Variants in SCP2 observed in about 807,000 individuals in gnomAD.
SCP2 encodes the protein SCP-2/3-oxoacyl-CoA thiolase.
In SCP2, 48 loss-of-function variants were observed where a neutral mutation model predicts 71.4. The ratio of observed to expected loss-of-function variants is 0.67; its 90% CI spans 0.53 to 0.86. The LOEUF (loss-of-function observed/expected upper bound fraction) is 0.86, where lower values mean the gene tolerates loss of function less well. SCP2 is among the 40% of genes least tolerant of loss of function. SCP2 has a pLI of 0.00. For missense variants in SCP2, 560 were observed against 655.6 expected (o/e 0.85, Z 1.59); for synonymous variants, 220 against 218.1 (o/e 1.01, Z -0.08).
rs554124967 is a variant in SCP2, at chr1:52,966,592, T to C, written c.523+4963T>C. On this transcript the variant is annotated intron_variant, in intron 6 of 15. Coordinates refer to ENST00000371514, the MANE Select transcript of SCP2 (RefSeq NM_002979.5). ...TCAAGTTTGGGTGTTAATTTTATAC[T>C]AAAGAAATAGGGGCCAGTTGTGGTG... Among the ~76,000 whole-genome samples, 3 of 151,992 alleles carry C rather than the reference T, an allele frequency of 2.0e-5. No individual in the cohort carries two copies. The South Asian group carries it at 6.2e-4, about 32-fold the overall frequency.
chr1:52,982,690 C>A (rs1046886905), intron 10 of SCP2, among the ~76,000 whole-genome samples: 1 of 152,160 alleles, frequency 6.6e-6, no homozygotes, highest in African/African-American at 2.4e-5. Context: ...AATGTAGAAG[C>A]CTTGCAACCA....
At chr1:52,981,273 CT>C (rs1006128293) in intron 10 of SCP2, among the ~76,000 whole-genome samples, 4 of 152,154 alleles carry the variant, frequency 2.6e-5, no homozygotes, top group Non-Finnish European at 5.9e-5. Flanking sequence ...TGATTTCTGC[CT>C]TTTAACTGGA....
At chr1:52,979,681 C>T (rs1658305701) in intron 9 of SCP2, among the ~76,000 whole-genome samples, 1 of 152,076 alleles carries the variant, frequency 6.6e-6, no homozygotes. Flanking sequence ...ATGTCTTCAA[C>T]TTGTTTATCA....
intron 6 of SCP2, among the ~76,000 whole-genome samples, chr1:52,963,075 C>T (rs1656622746): frequency 6.6e-6 from 1 of 151,240 alleles, no homozygotes. Flanking sequence ...GTGCCTGGCA[C>T]AAATCAGTGT....
chr1:53,010,084 T>G (rs1391786908), intron 11 of SCP2, among the ~76,000 whole-genome samples: 1 of 152,100 alleles, frequency 6.6e-6, no homozygotes, highest in Non-Finnish European at 1.5e-5. Flanking sequence ...TGAGATACCA[T>G]CTCACACCAG....
intron 11 of SCP2, chr1:52,995,350 C>T (rs1197432789): frequency 2.3e-5 from 11 of 475,100 alleles, no homozygotes; most frequent in Admixed American, 7.5e-5. Context: ...CATCTGCTCC[C>T]GCACTTTGAA....
chr1:53,048,299 T>G, intron 15 of SCP2: 1 of 324,824 alleles, frequency 3.1e-6, no homozygotes, highest in Non-Finnish European at 6.1e-6. Context: ...CTCTTGAGCT[T>G]AGTACCCAGG....
intron 1 of SCP2, among the ~76,000 whole-genome samples, chr1:52,938,950 T>G (rs1340113774): frequency 6.6e-6 from 1 of 152,244 alleles, no homozygotes; most frequent in Non-Finnish European, 1.5e-5. Context: ...TTCCACATAT[T>G]CATCCTTCTC....
chr1:52,937,713 A>T (rs1424411676), intron 1 of SCP2, among the ~76,000 whole-genome samples: 1 of 152,262 alleles, frequency 6.6e-6, no homozygotes, highest in Non-Finnish European at 1.5e-5. Context: ...AGAATTAAAA[A>T]TTGAAATAGA....
intron 11 of SCP2, among the ~76,000 whole-genome samples, chr1:53,010,510 G>A (rs113493366): frequency 0.12 from 18,217 of 152,126 alleles, 1,504 homozygotes; most frequent in East Asian, 0.32. Context: ...CCATCATTCT[G>A]AGCAAACTGT....
At chr1:52,988,533 G>T (rs760724339) in intron 11 of SCP2, among the ~76,000 whole-genome samples, 4 of 152,070 alleles carry the variant, frequency 2.6e-5, no homozygotes, top group Non-Finnish European at 4.4e-5. Flanking sequence ...CTGTTGACTG[G>T]CTGGCCGTGT....
chr1:52,992,932 T>TA (rs1167429578), intron 11 of SCP2, among the ~76,000 whole-genome samples: 2 of 152,132 alleles, frequency 1.3e-5, no homozygotes, highest in Non-Finnish European at 2.9e-5. Flanking sequence ...TGTAAGCACT[T>TA]AAAAAAAGAG....
intron 4 of SCP2, among the ~76,000 whole-genome samples, chr1:52,951,454 T>A (rs1482324501): frequency 6.7e-6 from 1 of 148,764 alleles, no homozygotes; most frequent in Non-Finnish European, 1.5e-5. Flanking sequence ...TTAAAAAAAA[T>A]TAGCCAGGCG....
At chr1:52,995,704 C>T (rs1659885947) in intron 11 of SCP2, 1 of 751,728 alleles carries the variant, frequency 1.3e-6, no homozygotes, top group Admixed American at 1.7e-5. Context: ...ACCAGAACAG[C>T]AGCTACTTTG....
intron 9 of SCP2, among the ~76,000 whole-genome samples, chr1:52,979,098 G>C (rs377742511): frequency 2.0e-5 from 3 of 152,176 alleles, no homozygotes; most frequent in African/African-American, 7.2e-5. Context: ...TCACAGTTAG[G>C]TTGTGGCAGA....
chr1:53,048,731 G>A (rs1408512682), intron 15 of SCP2: 2 of 152,640 alleles, frequency 1.3e-5, no homozygotes, highest in Admixed American at 6.5e-5. Context: ...TTTATGCCTT[G>A]TATAGATTTT....
At chr1:52,994,344 A>T in intron 11 of SCP2, 1 of 931,226 alleles carries the variant, frequency 1.1e-6, no homozygotes, top group Non-Finnish European at 1.3e-6. Context: ...GATGAATATG[A>T]TATTTCATTT....
intron 2 of SCP2, among the ~76,000 whole-genome samples, chr1:52,946,510 C>A (rs1423306966): frequency 6.6e-6 from 1 of 152,104 alleles, no homozygotes; most frequent in African/African-American, 2.4e-5. Flanking sequence ...AACCAAGATT[C>A]TTGCCAAATT....
At chr1:52,998,826 T>C (rs572665654) in intron 11 of SCP2, among the ~76,000 whole-genome samples, 3 of 152,310 alleles carry the variant, frequency 2.0e-5, no homozygotes, top group Admixed American at 1.3e-4. Context: ...GATTTTTTCC[T>C]CAAATGTTAA....
Sources: gnomAD v4.1 joint callset for allele counts (sites outside exome capture counted in the v4.1 genomes callset) on GRCh38, gnomAD v4.1.1 for gene constraint, MANE v1.5 for transcripts, NCBI Gene and HGNC (gene_info 2026-07-23, HGNC 2026-07-21) for gene names.